The following OSBPL5 variants were observed in gnomAD, a reference collection of about 807,000 sequenced individuals.
The protein encoded by OSBPL5 is oxysterol-binding protein-related protein 5.
A neutral mutation model predicts 111.2 loss-of-function variants in OSBPL5; 71 were observed. The ratio of observed to expected loss-of-function variants is 0.64; its 90% CI spans 0.53 to 0.78. The LOEUF (loss-of-function observed/expected upper bound fraction) is 0.78, where lower values mean the gene tolerates loss of function less well. Ranked by LOEUF, OSBPL5 falls within the 30% of genes least tolerant of loss-of-function variation. The pLI, the probability that OSBPL5 is intolerant of heterozygous loss-of-function variation, is 0.00. For missense variants in OSBPL5, 1,210 were observed against 1,189.3 expected, an observed-to-expected ratio of 1.02 and a Z score of -0.26; for synonymous variants, 549 against 513.9, an observed-to-expected ratio of 1.07 and a Z score of -0.93.
chr11:3,120,134 G>A (rs1254709995), intron 6 of OSBPL5: 5 of 540,928 alleles, frequency 9.2e-6, no homozygotes, highest in Admixed American at 3.2e-5. Context: ...GCTGTTCCTC[G>A]GCCACCCCTG....
At chr11:3,151,076 A>C (rs1020299786) in intron 1 of OSBPL5, among the ~76,000 whole-genome samples, 1 of 152,154 alleles carries the variant, frequency 6.6e-6, no homozygotes, top group Non-Finnish European at 1.5e-5. Context: ...GTGAAAAGAC[A>C]GGGGAGGAGA....
At position 3,146,317 on chromosome 11, in the gene OSBPL5, G is replaced by A. The variant is rs550511048; in HGVS notation, c.-21-17148C>T. The A allele has an allele frequency of 6.6e-6, 1 of 152,286 alleles. No homozygotes were observed. The highest frequency in any genetic ancestry group is 1.5e-5 in the Non-Finnish European group (1 of 68,094). The allele number at this position is 152,286 out of a possible 1,614,324, so 9.4% of individuals were successfully genotyped here. On this transcript the variant is annotated intron_variant, in intron 1 of 21. Transcript: ENST00000263650. This position sits in a 1 kb window ranked among gnomAD's most constrained non-coding sequence, Gnocchi z 7.8. The stretch of plus-strand genomic sequence containing the variant: ...CCCAGGGCGTGTGGGACTCTTTGAG[G>A]AGACAGAGCTCACTCCGGGGGAGGT...
chr11:3,125,838 C>T (rs370087571), intron 3 of OSBPL5, among the ~76,000 whole-genome samples: 155 of 148,412 alleles, frequency 1.0e-3, no homozygotes, highest in African/African-American at 3.5e-3. Flanking sequence ...AAAAATTGGC[C>T]GGCCGTGGTG....
intron 16 of OSBPL5, 25 bp downstream of exon 16, chr11:3,093,721 C>A (rs1405698343): frequency 5.6e-6 from 9 of 1,612,644 alleles, no homozygotes; most frequent in Non-Finnish European, 6.8e-6. Flanking sequence ...CCCGGCCGTG[C>A]CTGCCCTGAG....
rs146482352 is a variant in OSBPL5, at chr11:3,158,380, G to A, written c.-22+6836C>T. On this transcript the variant is annotated intron_variant, in intron 1 of 21. Transcript: ENST00000263650. ...CAGAGGGTGCCACGTGGGAGCACGCGCTCCTACAAAGCACAAACGGCTCTT... is the reference window on the plus strand; with the variant it reads ...CAGAGGGTGCCACGTGGGAGCACGCACTCCTACAAAGCACAAACGGCTCTT... Among the ~76,000 whole-genome samples the A allele has an allele frequency of 3.7e-3, 566 of 152,382 alleles. 8 individuals carry two copies. The highest frequency in any genetic ancestry group is 4.6e-3 in the Non-Finnish European group (312 of 68,034).
chr11:3,111,349 AT>A (rs1029556082), intron 7 of OSBPL5, among the ~76,000 whole-genome samples: 113 of 148,126 alleles, frequency 7.6e-4, no homozygotes, highest in African/African-American at 1.6e-3. Flanking sequence ...GGGAAGATGA[AT>A]TTTTTTTTTT....
In OSBPL5 at chr11:3,122,338, CCGGGCT is replaced by C; in HGVS notation, c.300+4_300+9del. The C allele has an allele frequency of 6.2e-7, 1 of 1,612,246 alleles. No individual in the cohort carries two copies. The highest frequency in any genetic ancestry group is 8.5e-7 in the Non-Finnish European group (1 of 1,179,300). On this transcript the variant is annotated splice_donor_5th_base_variant and intron_variant, in intron 4 of 21. Transcript: ENST00000263650. ...TGACACTGCTGCACCCTCCCCGGGC[CCGGGCT>C]CACCTTGAGAGTCTCCTTCTTGGTG...
intron 17 of OSBPL5, 197 bp from the exon 18 acceptor site, chr11:3,093,249 C>G: frequency 1.4e-6 from 1 of 739,166 alleles, no homozygotes; most frequent in Non-Finnish European, 2.1e-6. Context: ...ACTGAGCTCC[C>G]ATCTCCCGCC....
chr11:3,105,852 A>G lies in OSBPL5; in HGVS notation c.1059+1411T>C, dbSNP rs1035823007. On this transcript the variant is annotated intron_variant, in intron 9 of 21. Transcript: ENST00000263650. This position sits in a 1 kb window ranked among gnomAD's most constrained non-coding sequence, Gnocchi z 5.2. ...GCTCACAGCAGCGTCGCTCATCACC[A>G]TCTGGCTGAGATCTACCCAATCCAA... is the stretch of plus-strand genomic sequence containing the variant. 2.7e-5 allele frequency among the ~76,000 whole-genome samples: 4 copies of G among 149,862 alleles called. No individual in the cohort carries two copies. The highest frequency in any genetic ancestry group is 4.5e-5 in the Non-Finnish European group (3 of 67,350).
At chr11:3,150,407 G>A (rs1564865122) in intron 1 of OSBPL5, among the ~76,000 whole-genome samples, 1 of 152,134 alleles carries the variant, frequency 6.6e-6, no homozygotes, top group Non-Finnish European at 1.5e-5. Flanking sequence ...ATGCAGCCTT[G>A]GGGAGGAACC....
rs953412445 is a variant in OSBPL5 at position 3,149,762 on chromosome 11, G to A, written c.-22+15454C>T. On this transcript the variant is annotated intron_variant, in intron 1 of 21. Transcript: ENST00000263650. ...CAAACGACCCCCCCGTCACTGACCA[G>A]TCAACGGGTGGTCACCGCCCTGGCA... 2.0e-5 allele frequency among the ~76,000 whole-genome samples: 3 copies of A among 152,228 alleles called. No homozygotes were observed. The South Asian group carries it at 6.2e-4, about 32-fold the overall frequency.
chr11:3,125,899 G>A (rs1010095278), intron 3 of OSBPL5, among the ~76,000 whole-genome samples: 9 of 152,118 alleles, frequency 5.9e-5, no homozygotes, highest in African/African-American at 1.4e-4. Flanking sequence ...GGAGAATGGC[G>A]TGAACTTGGG....
At position 3,142,906 on chromosome 11, in the gene OSBPL5, G is replaced by A. The variant is rs965802993; in HGVS notation, c.-21-13737C>T. On this transcript the variant is annotated intron_variant, in intron 1 of 21. Coordinates refer to ENST00000263650, the MANE Select transcript of OSBPL5 (RefSeq NM_020896.4). The surrounding 1 kb of genome is among the most constrained non-coding windows in gnomAD (Gnocchi z 7.1). Reference sequence around the variant, plus strand: ...AAACCAGTCACCCAGGACAGCGGACGGCACACGGGGTGGGGGTGTGTGAGC... The same window carrying A: ...AAACCAGTCACCCAGGACAGCGGACAGCACACGGGGTGGGGGTGTGTGAGC... 2.6e-5 allele frequency among the ~76,000 whole-genome samples: 4 copies of A among 151,354 alleles called. No homozygotes were observed. The highest frequency in any genetic ancestry group is 7.3e-5 in the African/African-American group (3 of 41,114).
At chr11:3,122,591 G>A (rs1858462687) in intron 3 of OSBPL5, among the ~76,000 whole-genome samples, 163 bp from the exon 4 acceptor site, 1 of 152,306 alleles carries the variant, frequency 6.6e-6, no homozygotes, top group South Asian at 2.1e-4. Flanking sequence ...CACTTCCGGG[G>A]CTGCCATGGG....
Position 3,104,048 on chromosome 11 carries a change from G to A in OSBPL5, c.1244+145C>T, listed in dbSNP as rs1177918072. On this transcript the variant is annotated intron_variant, in intron 10 of 21. Coordinates refer to ENST00000263650, the MANE Select transcript of OSBPL5 (RefSeq NM_020896.4). The surrounding 1 kb of genome is among the most constrained non-coding windows in gnomAD (Gnocchi z 5.0). ...ATCTTGGAGACAGGGCCCCCTGGGA[G>A]GCTACAGCTGCAGAAACAGTGGGCT... The A allele has an allele frequency of 9.6e-7, 1 of 1,043,958 alleles. No homozygotes were observed. The highest frequency in any genetic ancestry group is 1.6e-5 in the African/African-American group (1 of 62,476). 64.7% of individuals were successfully genotyped at this position (1,043,958 alleles called of 1,614,324 possible).
At position 3,142,859 on chromosome 11, in the gene OSBPL5, G is replaced by A. The variant is rs1311085920; in HGVS notation, c.-21-13690C>T. 6.6e-6 allele frequency among the ~76,000 whole-genome samples: 1 copy of A among 151,938 alleles called. No homozygotes were observed. Among genetic ancestry groups the A allele is most frequent in the Non-Finnish European group, 1.5e-5 (1 of 67,984 alleles). On this transcript the variant is annotated intron_variant, in intron 1 of 21. Coordinates refer to ENST00000263650, the MANE Select transcript of OSBPL5 (RefSeq NM_020896.4). This position sits in a 1 kb window ranked among gnomAD's most constrained non-coding sequence, Gnocchi z 7.1. ...CCCACTCCTTGCACACAAGGAAACA[G>A]TGAGACCAGAGGAAAAGGACAAAAC... is the stretch of plus-strand genomic sequence containing the variant.
At position 3,090,579 on chromosome 11, in the gene OSBPL5, GCTC is replaced by G; in HGVS notation, c.2374_2376del (p.Glu792del). ...TCACCAGGGACAAAGTCACCATCCTGCTCCTCGTCTGAGAGCTCTGGGCAGGAC... is the reference window on the plus strand; with the variant it reads ...TCACCAGGGACAAAGTCACCATCCTGCTCGTCTGAGAGCTCTGGGCAGGAC... On this transcript the variant is annotated inframe_deletion, in exon 20 of 22. Coordinates refer to ENST00000263650, the MANE Select transcript of OSBPL5 (RefSeq NM_020896.4). 1 of 1,613,036 alleles carries G rather than the reference GCTC, an allele frequency of 6.2e-7. No homozygotes were observed. Among genetic ancestry groups the G allele is most frequent in the Non-Finnish European group, 8.5e-7 (1 of 1,179,894 alleles).
chr11:3,095,865 T>C (rs1245750185), intron 14 of OSBPL5, among the ~76,000 whole-genome samples: 2 of 152,098 alleles, frequency 1.3e-5, no homozygotes, highest in African/African-American at 4.8e-5. Context: ...GATCCAGGCA[T>C]TGAGAATCAA....
In OSBPL5 at chr11:3,089,859, G is replaced by A; in HGVS notation, c.2488C>T (p.Gln830Ter). The A allele has an allele frequency of 6.4e-7, 1 of 1,561,824 alleles. No individual in the cohort carries two copies. Among genetic ancestry groups the A allele is most frequent in the Admixed American group, 1.9e-5 (1 of 52,758 alleles). Reference sequence around the variant, plus strand: ...AGTGTGGCCCACCTGTGCAGCTCCTGCTGGGCCTCTCGGATGGAGAGGATG... The same window carrying A: ...AGTGTGGCCCACCTGTGCAGCTCCTACTGGGCCTCTCGGATGGAGAGGATG... Reference protein sequence around the residue: ...EAILSIREAQQELHRHLSAML... With the variant: ...EAILSIREAQ Residue 830 changes from glutamine (Q) to a stop codon, truncating the protein, a stop_gained, in exon 21 of 22, where the codon CAG (glutamine) becomes TAG (stop). Coordinates refer to ENST00000263650, the MANE Select transcript of OSBPL5 (RefSeq NM_020896.4). LOFTEE classifies it high-confidence loss of function.
Sources: gnomAD v4.1 joint callset for allele counts (sites outside exome capture counted in the v4.1 genomes callset) on GRCh38, gnomAD v4.1.1 for gene constraint, Gnocchi (gnomAD v3.1) non-coding constraint, MANE v1.5 for transcripts, NCBI Gene and HGNC (gene_info 2026-07-23, HGNC 2026-07-21) for gene names.